Variants in SHISA5 observed in about 807,000 individuals in gnomAD.
The protein encoded by SHISA5 is protein shisa-5.
Under a neutral mutation model 27.5 loss-of-function variants are expected in SHISA5, and 21 were observed. The ratio of observed to expected loss-of-function variants is 0.76; its 90% CI spans 0.54 to 1.10. The LOEUF (loss-of-function observed/expected upper bound fraction) is 1.10, where lower values mean the gene tolerates loss of function less well. Among genes scored for constraint, SHISA5 ranks in the 50% least tolerant of loss-of-function variants. The probability of loss-of-function intolerance (pLI) is 0.00; values close to 1 mark genes in which losing one functional copy is unlikely to be tolerated. For missense variants in SHISA5, 314 were observed against 336.3 expected (o/e 0.93, Z 0.52); for synonymous variants, 137 against 142.2 (o/e 0.96, Z 0.26).
chr3:48,474,938 A>G (rs530409008), intron 3 of SHISA5, among the ~76,000 whole-genome samples: 1 of 152,238 alleles, frequency 6.6e-6, no homozygotes. Context: ...CCCTCAGCAC[A>G]TGCCCGCACG....
intron 3 of SHISA5, among the ~76,000 whole-genome samples, chr3:48,474,565 G>A (rs569589258): frequency 3.9e-5 from 6 of 152,150 alleles, no homozygotes; most frequent in South Asian, 2.1e-4. Flanking sequence ...TCGAACTCCC[G>A]ACCTCAGGTG....
At chr3:48,503,227 G>A (rs1050561871) in intron 1 of SHISA5, 60 of 1,251,174 alleles carry the variant, frequency 4.8e-5, no homozygotes, top group Middle Eastern at 4.3e-4. Context: ...TTTAGGCTGA[G>A]TCCATGGCAC....
At chr3:48,475,670 A>C (rs1302086715) in intron 3 of SHISA5, among the ~76,000 whole-genome samples, 1 of 152,206 alleles carries the variant, frequency 6.6e-6, no homozygotes, top group African/African-American at 2.4e-5. Context: ...GAGTCACAGC[A>C]GAGGGTCAGT....
At chr3:48,500,751 T>G (rs891651230) in intron 2 of SHISA5, among the ~76,000 whole-genome samples, 2 of 152,188 alleles carry the variant, frequency 1.3e-5, no homozygotes, top group Admixed American at 1.3e-4. Context: ...AAGCGGGTTC[T>G]GAACAAAGGA....
Position 48,481,108 on chromosome 3 carries a change from G to GAATA in SHISA5, c.234-1855_234-1852dup, listed in dbSNP as rs567323998. On this transcript the variant is annotated intron_variant, in intron 2 of 5. Transcript: ENST00000296444. ...GAGACTCCATCTTGAAAAATAATAA[G>GAATA]AATAAATAAATAAATAAATAAATAA... is the stretch of plus-strand genomic sequence containing the variant. Among the ~76,000 whole-genome samples the GAATA allele has an allele frequency of 4.2e-3, 629 of 151,360 alleles. 4 individuals are homozygous for GAATA. The highest frequency in any genetic ancestry group is 8.8e-3 in the African/African-American group (362 of 41,252).
In SHISA5 at chr3:48,482,592, T is replaced by C. The variant is rs2041059676; in HGVS notation, c.234-3335A>G. The stretch of plus-strand genomic sequence containing the variant: ...TATTGCCCTTATATTGGAAGGGAAA[T>C]AGTTATATTTGCCTTCAAGGACCTC... On this transcript the variant is annotated intron_variant, in intron 2 of 5. Transcript: ENST00000296444. 2.0e-5 allele frequency among the ~76,000 whole-genome samples: 3 copies of C among 152,060 alleles called. No individual in the cohort carries two copies. The South Asian group carries it at 6.2e-4, about 31-fold the overall frequency.
At chr3:48,503,094 C>T (rs746607287) in intron 1 of SHISA5, 2 of 1,289,554 alleles carry the variant, frequency 1.6e-6, no homozygotes, top group African/African-American at 3.0e-5. Context: ...CAGCTGCCCA[C>T]CTGAAAGCTG....
intron 2 of SHISA5, among the ~76,000 whole-genome samples, chr3:48,499,915 G>A (rs1271632797): frequency 6.8e-6 from 1 of 147,102 alleles, no homozygotes; most frequent in Non-Finnish European, 1.5e-5. Flanking sequence ...GGGTGAAAGG[G>A]TAGAAGAAGA....
intron 2 of SHISA5, among the ~76,000 whole-genome samples, chr3:48,500,012 T>C (rs1397826696): frequency 6.6e-6 from 1 of 151,808 alleles, no homozygotes; most frequent in Non-Finnish European, 1.5e-5. Context: ...AGTGGATAAC[T>C]GTGTGCATCT....
rs773358721 is a variant in SHISA5, at chr3:48,468,237, A to AAAC, written c.*867_*869dup. The AAAC allele has an allele frequency of 2.6e-5, 26 of 1,001,214 alleles. No individual in the cohort carries two copies. The highest frequency in any genetic ancestry group is 3.1e-5 in the Non-Finnish European group (26 of 838,914). 62.0% of individuals were successfully genotyped at this position (1,001,214 alleles called of 1,614,324 possible). A position where few individuals can be genotyped will look rare whatever the true frequency, so the allele number is the denominator to read the frequency against. On this transcript the variant is annotated 3_prime_UTR_variant, in exon 6 of 6. Coordinates refer to ENST00000296444, the MANE Select transcript of SHISA5 (RefSeq NM_016479.6). ...TATCAACTATCATGTTTGAAACAGAAAACAGGCAAAATGTTTGGCTAAAAT... is the reference window on the plus strand; with the variant it reads ...TATCAACTATCATGTTTGAAACAGAAAACAACAGGCAAAATGTTTGGCTAAAAT...
intron 2 of SHISA5, among the ~76,000 whole-genome samples, chr3:48,485,722 A>C (rs887779405): frequency 6.6e-6 from 1 of 150,930 alleles, no homozygotes; most frequent in Non-Finnish European, 1.5e-5. Flanking sequence ...TCAGAGAGCA[A>C]TGGAAAGAAT....
chr3:48,476,131 AG>A (rs2040818855), intron 3 of SHISA5, among the ~76,000 whole-genome samples: 1 of 152,160 alleles, frequency 6.6e-6, no homozygotes, highest in African/African-American at 2.4e-5. Flanking sequence ...TCACAAGGTC[AG>A]GAGCTCGAGA....
At position 48,479,192 on chromosome 3, in the gene SHISA5, T is replaced by C. The variant is rs1348004552; in HGVS notation, c.299A>G (p.Asn100Ser). Residue 100 changes from asparagine (N) to serine (S), a missense_variant, in exon 3 of 6, where the codon AAC becomes AGC. Physicochemically the swap from Asn to Ser is conservative, Grantham distance 46 (BLOSUM62 1). Transcript: ENST00000296444. ...CTTTACTTACCCTGACATGGGGTCG[T>C]TGTAGCCAGGGCGAAACCTCAGCGC... ...GSALRFRPGY[N>S]DPMSGFGATL... 1.9e-6 allele frequency: 3 copies of C among 1,609,914 alleles called. No homozygotes were observed. The highest frequency in any genetic ancestry group is 2.5e-6 in the Non-Finnish European group (3 of 1,178,790).
chr3:48,503,003 T>G, intron 1 of SHISA5: 1 of 880,150 alleles, frequency 1.1e-6, no homozygotes, highest in Non-Finnish European at 1.6e-6. Context: ...GGAACTGCAC[T>G]TCTTGGCAGC....
chr3:48,479,997 G>A (rs9822677), intron 2 of SHISA5, among the ~76,000 whole-genome samples: 12,536 of 151,104 alleles, frequency 0.083, 923 homozygotes, highest in African/African-American at 0.2. Context: ...TCCGCCTCCC[G>A]GCTTCACACC....
chr3:48,495,566 G>A (rs2041516401), intron 2 of SHISA5, among the ~76,000 whole-genome samples: 2 of 146,650 alleles, frequency 1.4e-5, no homozygotes, highest in South Asian at 4.2e-4. Context: ...CTGTTGCCCA[G>A]GCTAGAGTAC....
Position 48,468,444 on chromosome 3 carries a change from A to T in SHISA5, c.*663T>A. 3.5e-6 allele frequency: 4 copies of T among 1,152,360 alleles called. No homozygotes were observed. The highest frequency in any genetic ancestry group is 4.3e-6 in the Non-Finnish European group (4 of 925,480). 71.4% of individuals were successfully genotyped at this position (1,152,360 alleles called of 1,614,324 possible). On this transcript the variant is annotated 3_prime_UTR_variant, in exon 6 of 6. Coordinates refer to ENST00000296444, the MANE Select transcript of SHISA5 (RefSeq NM_016479.6). ...CGGGGACAGGGGACAGTCCAGGCAG[A>T]CAGGTACAGCTGAGTAGGGCTCTGC... is the stretch of plus-strand genomic sequence containing the variant.
chr3:48,469,489 G>A lies in SHISA5; in HGVS notation c.515C>T (p.Pro172Leu), dbSNP rs755013424. ...PPSVPPSYPG[P>L]SYQGYHTMPP... ...CATGGTGTGGTAGCCCTGGTAGCTT[G>A]GTCCAGGGTAGCTGGGCGGCACACT... The change falls in exon 5 of 6, where the codon CCA becomes CTA. Residue 172 changes from proline (P) to leucine (L), a missense_variant. Coordinates refer to ENST00000296444, the MANE Select transcript of SHISA5 (RefSeq NM_016479.6). The surrounding 1 kb of genome is among the most constrained non-coding windows in gnomAD (Gnocchi z 4.6). 3 of 1,613,846 alleles carry A rather than the reference G, an allele frequency of 1.9e-6. No individual in the cohort carries two copies. Among genetic ancestry groups the A allele is most frequent in the South Asian group, 2.2e-5 (2 of 91,062 alleles).
At position 48,478,857 on chromosome 3, in the gene SHISA5, T is replaced by A. The variant is rs187850250; in HGVS notation, c.314+320A>T. Among the ~76,000 whole-genome samples the A allele has an allele frequency of 2.2e-3, 327 of 151,916 alleles. 1 individual carries two copies. Among genetic ancestry groups the A allele is most frequent in the Admixed American group, 4.4e-3 (67 of 15,250 alleles). ...ATCGCATGCCCACTACAGCCCCTTCTCTGTCACTCCTGCCCCCATCGGGAC... is the reference window on the plus strand; with the variant it reads ...ATCGCATGCCCACTACAGCCCCTTCACTGTCACTCCTGCCCCCATCGGGAC... On this transcript the variant is annotated intron_variant, in intron 3 of 5. Transcript: ENST00000296444.
Sources: gnomAD v4.1 joint callset for allele counts (sites outside exome capture counted in the v4.1 genomes callset) on GRCh38, gnomAD v4.1.1 for gene constraint, Gnocchi (gnomAD v3.1) non-coding constraint, MANE v1.5 for transcripts, NCBI Gene and HGNC (gene_info 2026-07-23, HGNC 2026-07-21) for gene names.